The following MRRF variants were observed in gnomAD, a reference collection of about 807,000 sequenced individuals.
The protein encoded by MRRF is ribosome-recycling factor, mitochondrial.
A neutral mutation model predicts 25.1 loss-of-function variants in MRRF; 18 were observed. The ratio of observed to expected loss-of-function variants is 0.72; its 90% CI spans 0.50 to 1.06. The LOEUF (loss-of-function observed/expected upper bound fraction) is 1.06. Ranked by LOEUF, MRRF falls within the 50% of genes least tolerant of loss-of-function variation. The probability of loss-of-function intolerance (pLI) is 0.00; values close to 1 mark genes in which losing one functional copy is unlikely to be tolerated. For missense variants in MRRF, 323 were observed against 319.3 expected, an observed-to-expected ratio of 1.01 and a Z score of -0.09; for synonymous variants, 113 against 112.1, an observed-to-expected ratio of 1.01 and a Z score of -0.05.
At chr9:122,272,933 T>C (rs981134681) in intron 2 of MRRF, among the ~76,000 whole-genome samples, 7 of 152,148 alleles carry the variant, frequency 4.6e-5, no homozygotes, top group African/African-American at 1.7e-4. Flanking sequence ...CCCGCCCCAT[T>C]GTGTGAGTTT....
At chr9:122,309,112 A>G (rs1466869029) in intron 5 of MRRF, among the ~76,000 whole-genome samples, 1 of 152,102 alleles carries the variant, frequency 6.6e-6, no homozygotes, top group East Asian at 1.9e-4. Flanking sequence ...GCTCTTAAGA[A>G]CTTCATGTAA....
chr9:122,278,554 G>A (rs1338061660), intron 2 of MRRF, among the ~76,000 whole-genome samples: 1 of 151,998 alleles, frequency 6.6e-6, no homozygotes, highest in African/African-American at 2.4e-5. Flanking sequence ...AAATTTTTGT[G>A]TGTGTTCATT....
At chr9:122,294,378 C>T (rs1224474994) in intron 5 of MRRF, among the ~76,000 whole-genome samples, 1 of 152,188 alleles carries the variant, frequency 6.6e-6, no homozygotes, top group Non-Finnish European at 1.5e-5. Flanking sequence ...TTTGAAAGAT[C>T]AGTGAGTTTA....
chr9:122,291,937 A>G, intron 5 of MRRF, 97 bp downstream of exon 5: 2 of 847,606 alleles, frequency 2.4e-6, no homozygotes, highest in Non-Finnish European at 4.2e-6. Flanking sequence ...GGCCAATAAC[A>G]TACCTTACCT....
chr9:122,292,277 A>G (rs911300784), intron 5 of MRRF, among the ~76,000 whole-genome samples: 1 of 152,172 alleles, frequency 6.6e-6, no homozygotes, highest in Non-Finnish European at 1.5e-5. Flanking sequence ...GAACCAGCCT[A>G]GGGGAGAGCA....
rs933845827 is a variant in MRRF at position 122,326,255 on chromosome 9, C to A, written c.*3638C>A. ...TCCTGAGTAGCTGGGATTACAGGCG[C>A]CCGCCACCACACCCAGCTAATTTTT... On this transcript the variant is annotated 3_prime_UTR_variant, in exon 7 of 7. Transcript: ENST00000344641. 1.3e-5 allele frequency: 2 copies of A among 151,698 alleles called. No individual in the cohort carries two copies. Among genetic ancestry groups the A allele is most frequent in the African/African-American group, 4.8e-5 (2 of 41,282 alleles). The allele number at this position is 151,698 out of a possible 1,614,324, so 9.4% of individuals were successfully genotyped here. A position where few individuals can be genotyped will look rare whatever the true frequency, so the allele number is the denominator to read the frequency against.
intron 5 of MRRF, among the ~76,000 whole-genome samples, chr9:122,301,577 G>A (rs892134836): frequency 2.6e-5 from 4 of 152,156 alleles, no homozygotes; most frequent in African/African-American, 7.2e-5. Context: ...GAAGAGAACA[G>A]GAGTAGACAG....
At chr9:122,295,239 A>G (rs1369193963) in intron 5 of MRRF, among the ~76,000 whole-genome samples, 5 of 152,218 alleles carry the variant, frequency 3.3e-5, no homozygotes, top group Non-Finnish European at 4.4e-5. Context: ...GCTAGCAAAT[A>G]TGCTATTTCC....
intron 5 of MRRF, among the ~76,000 whole-genome samples, chr9:122,307,238 C>T (rs923996768): frequency 6.6e-6 from 1 of 152,280 alleles, no homozygotes; most frequent in South Asian, 2.1e-4. Context: ...GGGGGAGTCC[C>T]GGAAGCCCAG....
rs775767054 is a variant in MRRF, at chr9:122,327,925, CTTATTT to C, written c.*5318_*5323del. 5.4e-5 allele frequency: 8 copies of C among 146,984 alleles called. No individual in the cohort carries two copies. In the South Asian group the frequency reaches 8.6e-4, roughly 16 times the overall value. 9.1% of individuals were successfully genotyped at this position (146,984 alleles called of 1,614,324 possible). On this transcript the variant is annotated 3_prime_UTR_variant, in exon 7 of 7. Transcript: ENST00000344641. ...TGAACCATTCTGAAACTCCTTTTTT[CTTATTT>C]TTATTTTTAATTGTAAAATATACAT... is the stretch of plus-strand genomic sequence containing the variant.
intron 5 of MRRF, among the ~76,000 whole-genome samples, chr9:122,302,563 T>C (rs1209223931): frequency 1.3e-5 from 2 of 152,234 alleles, no homozygotes; most frequent in African/African-American, 2.4e-5. Flanking sequence ...CCAAATAATA[T>C]TCTATTATAT....
chr9:122,273,622 T>C (rs1021475606), intron 2 of MRRF, among the ~76,000 whole-genome samples: 1 of 152,156 alleles, frequency 6.6e-6, no homozygotes, highest in African/African-American at 2.4e-5. Flanking sequence ...TTTCACAAAG[T>C]GAACACAATC....
chr9:122,297,693 G>T (rs774695870), intron 5 of MRRF, among the ~76,000 whole-genome samples: 2 of 152,158 alleles, frequency 1.3e-5, no homozygotes, highest in African/African-American at 4.8e-5. Flanking sequence ...CATGGGGACC[G>T]TAATTGGGAA....
At chr9:122,303,834 CCATGTAATCA>C (rs1217505515) in intron 5 of MRRF, among the ~76,000 whole-genome samples, 4 of 152,162 alleles carry the variant, frequency 2.6e-5, no homozygotes, top group Non-Finnish European at 5.9e-5. Flanking sequence ...CGGGCTCTTG[CCATGTAATCA>C]CATTTGCTCC....
In MRRF at chr9:122,313,217, C is replaced by G. The variant is rs757204051; in HGVS notation, c.552-10C>G. 6.8e-6 allele frequency: 11 copies of G among 1,613,370 alleles called. No individual in the cohort carries two copies. Among genetic ancestry groups the G allele is most frequent in the Admixed American group, 1.7e-5 (1 of 59,974 alleles). On this transcript the variant is annotated splice_polypyrimidine_tract_variant and intron_variant, in intron 5 of 6. Coordinates refer to ENST00000344641, the MANE Select transcript of MRRF (RefSeq NM_138777.5). Reference sequence around the variant, plus strand: ...AATGATTTTGTTGAATGTCTTTTGTCTTTTATCAGAGTAACCAGAGAGCAC... The same window carrying G: ...AATGATTTTGTTGAATGTCTTTTGTGTTTTATCAGAGTAACCAGAGAGCAC...
At chr9:122,274,711 G>T (rs1034203196) in intron 2 of MRRF, among the ~76,000 whole-genome samples, 1 of 151,936 alleles carries the variant, frequency 6.6e-6, no homozygotes, top group African/African-American at 2.4e-5. Flanking sequence ...ATATAAAGTT[G>T]TTCATAATAG....
intron 5 of MRRF, among the ~76,000 whole-genome samples, chr9:122,303,594 T>C (rs1834615549): frequency 6.6e-6 from 1 of 151,868 alleles, no homozygotes; most frequent in Admixed American, 6.6e-5. Flanking sequence ...TTCCCAGGTT[T>C]TTCTTGAGCT....
chr9:122,265,389 A>G (rs1832003089), intron 1 of MRRF: 1 of 239,384 alleles, frequency 4.2e-6, no homozygotes, highest in African/African-American at 2.3e-5. Context: ...CAGTGGCAAA[A>G]CAGTTGTCAT....
chr9:122,301,980 G>A (rs1346954664), intron 5 of MRRF, among the ~76,000 whole-genome samples: 4 of 151,088 alleles, frequency 2.6e-5, no homozygotes, highest in Admixed American at 6.6e-5. Flanking sequence ...CTGGCCTCAC[G>A]TGATCCACCT....
Sources: allele counts gnomAD v4.1 joint callset (sites outside exome capture counted in the v4.1 genomes callset), GRCh38; gene constraint gnomAD v4.1.1; transcripts MANE v1.5; gene names NCBI Gene and HGNC (gene_info 2026-07-23, HGNC 2026-07-21).